Variants in DPM1 observed in about 807,000 individuals in gnomAD.
DPM1 encodes the protein dolichol-phosphate mannosyltransferase subunit 1.
In DPM1, 27 loss-of-function variants were observed where a neutral mutation model predicts 39.0. The observed-to-expected ratio is 0.69, with a 90% CI of 0.51 to 0.95. The LOEUF (loss-of-function observed/expected upper bound fraction) is 0.95, where lower values mean the gene tolerates loss of function less well. Among genes scored for constraint, DPM1 ranks in the 40% least tolerant of loss-of-function variants. DPM1 has a pLI of 0.00. For missense variants in DPM1, 307 were observed against 315.6 expected (o/e 0.97, Z 0.21); for synonymous variants, 124 against 109.0 (o/e 1.14, Z -0.86).
rs573286911 is a variant in DPM1, at chr20:50,948,571, C to T, written c.295+58G>A. The T allele has an allele frequency of 6.5e-6, 10 of 1,544,208 alleles. No individual in the cohort carries two copies. In the African/African-American group the frequency reaches 1.4e-4, roughly 21 times the overall value. On this transcript the variant is annotated intron_variant, in intron 3 of 8. Transcript: ENST00000371588. ...CTATTCCAAACTGGGAAAATACACA[C>T]TGGATCATGTCACCAAGCAAGCAGC...
chr20:50,940,829 G>C (rs768019314), intron 7 of DPM1, 36 bp downstream of exon 7: 4 of 1,477,312 alleles, frequency 2.7e-6, no homozygotes, highest in Non-Finnish European at 3.8e-6. Flanking sequence ...AGTTAGCCAA[G>C]AAGTTATATA....
chr20:50,957,310 T>A (rs555761310), intron 1 of DPM1, among the ~76,000 whole-genome samples: 12 of 152,298 alleles, frequency 7.9e-5, no homozygotes, highest in African/African-American at 2.6e-4. Flanking sequence ...TCCAAACTTG[T>A]ACAACCTTTT....
chr20:50,948,667 A>G lies in DPM1; in HGVS notation c.262-5T>C, dbSNP rs1986418092. 6.2e-7 allele frequency: 1 copy of G among 1,613,492 alleles called. No individual in the cohort carries two copies. Among genetic ancestry groups the G allele is most frequent in the Non-Finnish European group, 8.5e-7 (1 of 1,179,386 alleles). Reference sequence around the variant, plus strand: ...TTTCTCTCGTGGTCTTAGAAGCTGTAGGAATAAGAAATAGCATTTTACACA... The same window carrying G: ...TTTCTCTCGTGGTCTTAGAAGCTGTGGGAATAAGAAATAGCATTTTACACA... On this transcript the variant is annotated splice_polypyrimidine_tract_variant and splice_region_variant and intron_variant, in intron 2 of 8. Transcript: ENST00000371588.
At chr20:50,942,240 G>A in intron 5 of DPM1, 114 bp from the exon 6 acceptor site, 1 of 900,328 alleles carries the variant, frequency 1.1e-6, no homozygotes, top group African/African-American at 1.6e-5. Flanking sequence ...GGGTGCAGTG[G>A]CTCACGCCTG....
chr20:50,952,892 T>C (rs1225131217), intron 2 of DPM1, among the ~76,000 whole-genome samples: 2 of 152,234 alleles, frequency 1.3e-5, no homozygotes, highest in African/African-American at 4.8e-5. Context: ...GTGACTATAG[T>C]TAATAGTATC....
chr20:50,938,787 C>G (rs1189404990), intron 7 of DPM1, among the ~76,000 whole-genome samples: 1 of 151,318 alleles, frequency 6.6e-6, no homozygotes, highest in African/African-American at 2.4e-5. Context: ...CAAGACCAGC[C>G]TGACCAACGT....
chr20:50,952,783 C>A (rs1018906513), intron 2 of DPM1, among the ~76,000 whole-genome samples: 1 of 152,114 alleles, frequency 6.6e-6, no homozygotes, highest in Admixed American at 6.6e-5. Context: ...GAATAATAAA[C>A]GTGTTACATT....
Position 50,942,081 on chromosome 20 carries a change from G to A in DPM1, c.444C>T (p.Tyr148=). ...GNFDIVSGTR[Y]KGNGGVYGWD... ...AGCCATATACACCTCCATTTCCTTT[G>A]TAGCGAGTTCCAGAGACAATATCAA... The change falls in exon 6 of 9, where the codon TAC becomes TAT. Residue 148 remains tyrosine, a synonymous_variant. Coordinates refer to ENST00000371588, the MANE Select transcript of DPM1 (RefSeq NM_003859.3). The A allele has an allele frequency of 1.2e-6, 2 of 1,613,970 alleles. No individual in the cohort carries two copies. Among genetic ancestry groups the A allele is most frequent in the Non-Finnish European group, 1.7e-6 (2 of 1,179,974 alleles).
At chr20:50,958,267 G>C in intron 1 of DPM1, 96 bp downstream of exon 1, 4 of 1,522,308 alleles carry the variant, frequency 2.6e-6, no homozygotes, top group Non-Finnish European at 3.6e-6. Context: ...AGGCAAAGAA[G>C]GCTGGACAGG....
upstream of DPM1, chr20:50,958,563 T>C (rs1444688129): frequency 6.2e-7 from 1 of 1,611,556 alleles, no homozygotes; most frequent in Non-Finnish European, 8.5e-7. Flanking sequence ...AATTACGTAA[T>C]GTGGCGCGGA....
In DPM1 at chr20:50,936,176, G is replaced by A. The variant is rs761548124; in HGVS notation, c.650C>T (p.Ala217Val). The A allele has an allele frequency of 1.9e-6, 3 of 1,613,358 alleles. No homozygotes were observed. The highest frequency in any genetic ancestry group is 1.7e-5 in the Admixed American group (1 of 60,018). ...GCCAATAGTATAATTCAACTGTCTT[G>A]CCCGAACAATCATCTCCATCTGGAA... ...YVFQMEMIVR[A>V]RQLNYTIGEV... is the part of the protein sequence containing the mutation. The change falls in exon 8 of 9, where the codon GCA becomes GTA. Residue 217 changes from alanine to valine, a missense_variant. Physicochemically the swap from Ala to Val is moderately conservative, Grantham distance 64 (BLOSUM62 0). Coordinates refer to ENST00000371588, the MANE Select transcript of DPM1 (RefSeq NM_003859.3).
At chr20:50,938,331 GTATTT>G (rs1985387536) in intron 7 of DPM1, among the ~76,000 whole-genome samples, 1 of 151,762 alleles carries the variant, frequency 6.6e-6, no homozygotes, top group African/African-American at 2.4e-5. Context: ...TTTAATGCAT[GTATTT>G]AAGAAACCAC....
intron 7 of DPM1, among the ~76,000 whole-genome samples, chr20:50,938,744 C>T (rs955567196): frequency 4.0e-5 from 6 of 149,152 alleles, no homozygotes; most frequent in South Asian, 2.2e-4. Flanking sequence ...CTTGGGGAGG[C>T]GGAGGCAGGA....
chr20:50,935,073 AC>A lies in DPM1; in HGVS notation c.*58del. The A allele has an allele frequency of 1.0e-6, 1 of 993,270 alleles. No homozygotes were observed. Among genetic ancestry groups the A allele is most frequent in the Admixed American group, 1.8e-5 (1 of 56,488 alleles). The allele number at this position is 993,270 out of a possible 1,614,324, so 61.5% of individuals were successfully genotyped here. ...AGAGTACATTTTATACAAATCAGTA[AC>A]CAGGCTTCTTTCATGTTTAACCTGA... is the stretch of plus-strand genomic sequence containing the variant. On this transcript the variant is annotated 3_prime_UTR_variant, in exon 9 of 9. Transcript: ENST00000371588.
Position 50,955,177 on chromosome 20 carries a change from A to G in DPM1, c.261+9T>C, listed in dbSNP as rs776745957. 1.3e-6 allele frequency: 2 copies of G among 1,597,426 alleles called. No homozygotes were observed. Among genetic ancestry groups the G allele is most frequent in the East Asian group, 2.2e-5 (1 of 44,690 alleles). ...ATTCATATCACAGAAAAATGTTCTT[A>G]TAACTTACAATTCTGTCTGACCCAT... On this transcript the variant is annotated intron_variant, in intron 2 of 8. Coordinates refer to ENST00000371588, the MANE Select transcript of DPM1 (RefSeq NM_003859.3).
At chr20:50,956,551 A>G (rs1986832587) in intron 1 of DPM1, among the ~76,000 whole-genome samples, 1 of 151,952 alleles carries the variant, frequency 6.6e-6, no homozygotes, top group Non-Finnish European at 1.5e-5. Context: ...AAAAAGAAAA[A>G]GAAAAAAGAA....
intron 6 of DPM1, chr20:50,941,259 T>TATATATATATATATATATATATATAA (rs1568762595): frequency 2.4e-5 from 4 of 166,890 alleles, no homozygotes; most frequent in African/African-American, 9.3e-5. Context: ...TATATATATA[T>TATATATATATATATATATATATATAA]ATATAAATAA....
intron 7 of DPM1, among the ~76,000 whole-genome samples, chr20:50,939,041 T>A (rs1028303184): frequency 4.6e-5 from 7 of 152,272 alleles, no homozygotes; most frequent in African/African-American, 1.7e-4. Flanking sequence ...TTGGCTGCTC[T>A]GTCATTTATA....
At chr20:50,957,447 T>C (rs1011497414) in intron 1 of DPM1, among the ~76,000 whole-genome samples, 1 of 152,220 alleles carries the variant, frequency 6.6e-6, no homozygotes, top group Non-Finnish European at 1.5e-5. Context: ...CTGCCAACAC[T>C]GATGCAATAA....
Sources: allele counts gnomAD v4.1 joint callset (sites outside exome capture counted in the v4.1 genomes callset), GRCh38; gene constraint gnomAD v4.1.1; transcripts MANE v1.5; gene names NCBI Gene and HGNC (gene_info 2026-07-23, HGNC 2026-07-21).